ERLIN1: variants seen among roughly 807,000 people sequenced by gnomAD.
ERLIN1 encodes ER lipid raft associated 1.
A neutral mutation model predicts 46.9 loss-of-function variants in ERLIN1; 24 were observed. The observed-to-expected ratio is 0.51, with a 90% CI of 0.37 to 0.72. ERLIN1 has a LOEUF of 0.72. Among genes scored for constraint, ERLIN1 ranks in the 30% least tolerant of loss-of-function variants. The pLI is 0.00. For synonymous variants in ERLIN1, 158 were observed against 143.2 expected, an observed-to-expected ratio of 1.10 and a Z score of -0.74; for missense variants, 293 against 417.9, an observed-to-expected ratio of 0.70 and a Z score of 2.61.
rs12769818 is a variant in ERLIN1 at position 100,155,872 on chromosome 10, C to T, written c.745+273G>A. 0.061 allele frequency among the ~76,000 whole-genome samples: 9,291 copies of T among 152,232 alleles called. 344 individuals carry two copies. Among genetic ancestry groups the T allele is most frequent in the African/African-American group, 0.098 (4,066 of 41,536 alleles). On this transcript the variant is annotated intron_variant, in intron 9 of 10. Transcript: ENST00000421367. ...CTATTGATTATGGGTAATTTTCATACCTTGTCTGCCTGAAAATAAAGTGGT... is the reference window on the plus strand; with the variant it reads ...CTATTGATTATGGGTAATTTTCATATCTTGTCTGCCTGAAAATAAAGTGGT...
intron 6 of ERLIN1, among the ~76,000 whole-genome samples, chr10:100,173,059 GATA>G (rs1259731374): frequency 6.6e-6 from 1 of 152,176 alleles, no homozygotes; most frequent in African/African-American, 2.4e-5. Flanking sequence ...AAGCGCCTGA[GATA>G]ATGACATTGC....
At chr10:100,160,091 G>A (rs906522309) in intron 8 of ERLIN1, among the ~76,000 whole-genome samples, 3 of 152,026 alleles carry the variant, frequency 2.0e-5, no homozygotes, top group Non-Finnish European at 4.4e-5. Flanking sequence ...TAAAAATCAT[G>A]AGAGAATTCT....
intron 8 of ERLIN1, among the ~76,000 whole-genome samples, chr10:100,160,646 T>A (rs1468177504): frequency 6.6e-6 from 1 of 152,138 alleles, no homozygotes; most frequent in Non-Finnish European, 1.5e-5. Context: ...CATCTCAATA[T>A]ATGTAGAAAA....
chr10:100,171,327 T>C (rs1198376039), intron 6 of ERLIN1, among the ~76,000 whole-genome samples: 12 of 152,152 alleles, frequency 7.9e-5, no homozygotes, highest in African/African-American at 2.9e-4. Context: ...ATAACTAACA[T>C]ATGAAAAAGT....
rs1323506120 is a variant in ERLIN1, at chr10:100,176,021, G to T, written c.354C>A (p.Ile118=). The change falls in exon 5 of 11, where the codon ATC becomes ATA. Residue 118 remains isoleucine, a synonymous_variant. Transcript: ENST00000421367. The part of the protein sequence containing the change: ...NYTADYDKTL[I]FNKIHHELNQ... ...TCAGCTCATGGTGGATTTTATTGAAGATTAAGGTCTTGTCATAATCTGCAG... is the reference window on the plus strand; with the variant it reads ...TCAGCTCATGGTGGATTTTATTGAATATTAAGGTCTTGTCATAATCTGCAG... The T allele has an allele frequency of 1.2e-6, 2 of 1,612,804 alleles. No individual in the cohort carries two copies. The highest frequency in any genetic ancestry group is 2.7e-5 in the African/African-American group (2 of 74,900).
rs150588497 is a variant in ERLIN1 at position 100,160,839 on chromosome 10, C to T, written c.655+3165G>A. ...GCGTGCACTTGTAGTCTCAGCTACT[C>T]GAGAGGCTGAGGTGGGAAAATAACT... On this transcript the variant is annotated intron_variant, in intron 8 of 10. Coordinates refer to ENST00000421367, the MANE Select transcript of ERLIN1 (RefSeq NM_006459.4). Among the ~76,000 whole-genome samples the T allele has an allele frequency of 7.9e-5, 12 of 152,000 alleles. No individual in the cohort carries two copies. In the East Asian group the frequency reaches 2.3e-3, roughly 29 times the overall value.
At chr10:100,173,166 T>C (rs1844099123) in intron 6 of ERLIN1, among the ~76,000 whole-genome samples, 1 of 152,216 alleles carries the variant, frequency 6.6e-6, no homozygotes, top group Non-Finnish European at 1.5e-5. Flanking sequence ...ACACTCTCAG[T>C]AGCAGTGGTG....
rs770554962 is a variant in ERLIN1 at position 100,152,063 on chromosome 10, T to C, written c.*68A>G. On this transcript the variant is annotated 3_prime_UTR_variant, in exon 11 of 11. Coordinates refer to ENST00000421367, the MANE Select transcript of ERLIN1 (RefSeq NM_006459.4). ...GTTCTCTGTAAATCTGAAGAGTCCG[T>C]ATAATGATTGTTCCCACTTAACCCC... The C allele has an allele frequency of 2.1e-6, 2 of 950,792 alleles. No individual in the cohort carries two copies. The highest frequency in any genetic ancestry group is 4.8e-5 in the East Asian group (2 of 41,364). 58.9% of individuals were successfully genotyped at this position (950,792 alleles called of 1,614,324 possible).
intron 6 of ERLIN1, among the ~76,000 whole-genome samples, chr10:100,173,643 C>T (rs1294747210): frequency 6.6e-6 from 1 of 152,170 alleles, no homozygotes; most frequent in Non-Finnish European, 1.5e-5. Flanking sequence ...CTTGTTTTTA[C>T]TAGGGCTGTC....
chr10:100,173,043 A>G (rs546887106), intron 6 of ERLIN1, among the ~76,000 whole-genome samples: 1 of 152,318 alleles, frequency 6.6e-6, no homozygotes, highest in South Asian at 2.1e-4. Flanking sequence ...CTGGTGGCTC[A>G]CCCTCAAGCG....
intron 6 of ERLIN1, among the ~76,000 whole-genome samples, chr10:100,173,636 G>A (rs1378833180): frequency 2.6e-5 from 4 of 152,064 alleles, no homozygotes; most frequent in African/African-American, 9.7e-5. Context: ...CTGCTACCTT[G>A]TTTTTACTAG....
chr10:100,158,727 A>T (rs1413462908), intron 8 of ERLIN1, among the ~76,000 whole-genome samples: 2 of 152,262 alleles, frequency 1.3e-5, no homozygotes, highest in Non-Finnish European at 2.9e-5. Flanking sequence ...GACAGTGATA[A>T]GAGTTAAAGC....
rs2134127478 is a variant in ERLIN1, at chr10:100,164,112, TATA to T, written c.564-20_564-18del. On this transcript the variant is annotated intron_variant, in intron 7 of 10. Transcript: ENST00000421367. The stretch of plus-strand genomic sequence containing the variant: ...TCAGCCTCCCTGTGAAGCAAAATGT[TATA>T]AAAATTAGAAATGATTCTCCTATGT... 1 of 1,556,778 alleles carries T rather than the reference TATA, an allele frequency of 6.4e-7. No homozygotes were observed. Among genetic ancestry groups the T allele is most frequent in the Non-Finnish European group, 8.8e-7 (1 of 1,131,278 alleles).
chr10:100,182,730 G>A (rs1321012324), intron 2 of ERLIN1, among the ~76,000 whole-genome samples: 2 of 152,184 alleles, frequency 1.3e-5, no homozygotes, highest in African/African-American at 4.8e-5. Flanking sequence ...TAGACTTTAA[G>A]AGCTATAGAT....
At chr10:100,154,437 T>C (rs1174121294) in intron 10 of ERLIN1, among the ~76,000 whole-genome samples, 1 of 152,134 alleles carries the variant, frequency 6.6e-6, no homozygotes, top group African/African-American at 2.4e-5. Flanking sequence ...ATACAAAATA[T>C]CCTACAATGC....
At chr10:100,170,430 T>C (rs937443410) in intron 6 of ERLIN1, among the ~76,000 whole-genome samples, 6 of 152,218 alleles carry the variant, frequency 3.9e-5, no homozygotes, top group Non-Finnish European at 8.8e-5. Context: ...ATAACAAAAC[T>C]ACATTTTTTC....
chr10:100,152,151 T>G lies in ERLIN1; in HGVS notation c.1027A>C (p.Asn343His). ...TTGCATCAACCTGTGCTCTCTTTGT[T>G]TTGGATGACGTTCTCTCCAGAGGGT... ...LEPSGENVIQ[N>H]KESTG Residue 343 changes from asparagine (N) to histidine (H), a missense_variant, in exon 11 of 11, where the codon AAC (asparagine) becomes CAC (histidine). Asn to His is a moderately conservative substitution (Grantham distance 68). This residue lies in a region of ERLIN1 where 69 missense variants were observed against 74.5 expected (regional missense o/e 0.93). Transcript: ENST00000421367. 1 of 1,612,432 alleles carries G rather than the reference T, an allele frequency of 6.2e-7. No homozygotes were observed. The highest frequency in any genetic ancestry group is 1.1e-5 in the South Asian group (1 of 91,044).
intron 8 of ERLIN1, among the ~76,000 whole-genome samples, chr10:100,159,691 T>G (rs543720533): frequency 3.5e-5 from 5 of 143,670 alleles, no homozygotes; most frequent in Admixed American, 2.7e-4. Flanking sequence ...AAGAAGAAAT[T>G]AGAAGGAAAA....
intron 6 of ERLIN1, among the ~76,000 whole-genome samples, chr10:100,170,297 G>A (rs376423201): frequency 1.3e-5 from 2 of 152,178 alleles, no homozygotes. Context: ...CAAGACAAAA[G>A]CAACCAAAGC....
Sources: allele counts gnomAD v4.1 joint callset (sites outside exome capture counted in the v4.1 genomes callset), GRCh38; gene constraint gnomAD v4.1.1; regional missense constraint gnomAD v4.1.1; transcripts MANE v1.5; gene names NCBI Gene and HGNC (gene_info 2026-07-23, HGNC 2026-07-21).